The following ZSCAN5A variants were observed in gnomAD, a reference collection of about 807,000 sequenced individuals.
ZSCAN5A encodes the protein zinc finger and SCAN domain-containing protein 5A.
Under a neutral mutation model 23.7 loss-of-function variants are expected in ZSCAN5A, and 12 were observed. That is an observed-to-expected ratio of 0.51 (90% CI 0.32 to 0.82). The LOEUF (loss-of-function observed/expected upper bound fraction) is 0.82, where lower values mean the gene tolerates loss of function less well. Ranked by LOEUF, ZSCAN5A falls within the 40% of genes least tolerant of loss-of-function variation. ZSCAN5A has a pLI of 0.03. For synonymous variants in ZSCAN5A, 257 were observed against 239.9 expected (o/e 1.07, Z -0.66); for missense variants, 597 against 617.9 (o/e 0.97, Z 0.36).
chr19:56,247,256 A>C (rs1039312871), intron 2 of ZSCAN5A: 5 of 384,262 alleles, frequency 1.3e-5, no homozygotes, highest in African/African-American at 1.0e-4. Flanking sequence ...AAACGGTTCA[A>C]CAGGATGTTC....
intron 2 of ZSCAN5A, among the ~76,000 whole-genome samples, chr19:56,270,045 G>A (rs749171021): frequency 6.6e-6 from 1 of 151,988 alleles, no homozygotes; most frequent in Non-Finnish European, 1.5e-5. Flanking sequence ...TAACTGATTG[G>A]CTGTCTGTGA....
rs761039856 is a variant in ZSCAN5A at position 56,246,451 on chromosome 19, C to A, written c.-127-21278G>T. 3 of 583,188 alleles carry A rather than the reference C, an allele frequency of 5.1e-6. No individual in the cohort carries two copies. The East Asian group carries it at 9.5e-5, about 18-fold the overall frequency. The allele number at this position is 583,188 out of a possible 1,614,324, so 36.1% of individuals were successfully genotyped here. The stretch of plus-strand genomic sequence containing the variant: ...GGGACTTACATCCCCAGAGCCTCAG[C>A]TTCCAAACGGTCCTAGTGAGTATGA... On this transcript the variant is annotated intron_variant, in intron 2 of 5. Transcript: ENST00000683990.
intron 2 of ZSCAN5A, among the ~76,000 whole-genome samples, chr19:56,301,648 C>G (rs2040239567): frequency 6.6e-6 from 1 of 152,102 alleles, no homozygotes; most frequent in African/African-American, 2.4e-5. Context: ...TTTACCCAGC[C>G]CCTATTCAAG....
chr19:56,310,228 C>A (rs2147361456), intron 2 of ZSCAN5A: 1 of 152,414 alleles, frequency 6.6e-6, no homozygotes, highest in African/African-American at 2.4e-5. Context: ...AGCTCTCTGT[C>A]CCCTGGACTG....
chr19:56,283,610 A>G (rs149935988), intron 2 of ZSCAN5A: 2 of 152,320 alleles, frequency 1.3e-5, no homozygotes, highest in East Asian at 3.9e-4. Context: ...GGATTCTTCA[A>G]TACGTAGCAA....
chr19:56,227,203 G>A (rs1321867902), intron 2 of ZSCAN5A, among the ~76,000 whole-genome samples: 5 of 152,146 alleles, frequency 3.3e-5, no homozygotes, highest in Non-Finnish European at 7.3e-5. Flanking sequence ...TAGTACATGA[G>A]GTAGGGCATA....
In ZSCAN5A at chr19:56,363,858, T is replaced by C. The variant is rs370599717; in HGVS notation, c.-521-460A>G. 7.3e-4 allele frequency among the ~76,000 whole-genome samples: 111 copies of C among 152,312 alleles called. 1 individual carries two copies. Among genetic ancestry groups the C allele is most frequent in the African/African-American group, 2.5e-3 (105 of 41,562 alleles). On this transcript the variant is annotated intron_variant, in intron 1 of 6. Transcript: ENST00000587340. ...CAAATAAATGACCTAAGGTTGGAAA[T>C]TATATTCTATTTAAAGAGGAAGCAG...
At chr19:56,237,648 G>C (rs369270118) in intron 2 of ZSCAN5A, among the ~76,000 whole-genome samples, 2 of 152,084 alleles carry the variant, frequency 1.3e-5, no homozygotes, top group African/African-American at 2.4e-5. Flanking sequence ...GCCGGGGCGC[G>C]GTGGCTCATG....
intron 2 of ZSCAN5A, among the ~76,000 whole-genome samples, chr19:56,360,368 G>A (rs948343520): frequency 6.6e-6 from 1 of 151,886 alleles, no homozygotes; most frequent in African/African-American, 2.4e-5. Flanking sequence ...AGCTAATAAG[G>A]GGAAGTGAAG....
At chr19:56,360,705 G>GT (rs963452033) in intron 2 of ZSCAN5A, among the ~76,000 whole-genome samples, 9 of 151,382 alleles carry the variant, frequency 5.9e-5, no homozygotes, top group African/African-American at 2.2e-4. Flanking sequence ...AGACTTATAT[G>GT]TAAAAAAAAA....
Position 56,221,464 on chromosome 19 carries a change from C to G in ZSCAN5A, c.*111G>C. The stretch of plus-strand genomic sequence containing the variant: ...ATCCTGGCAATTCATATCTAGGGCA[C>G]TCCCTCTGTGTGTCAGACGCCCTTG... On this transcript the variant is annotated 3_prime_UTR_variant, in exon 6 of 6. Coordinates refer to ENST00000683990, the MANE Select transcript of ZSCAN5A (RefSeq NM_001322064.3). 2 of 1,353,948 alleles carry G rather than the reference C, an allele frequency of 1.5e-6. No homozygotes were observed. The highest frequency in any genetic ancestry group is 2.9e-5 in the African/African-American group (2 of 68,696). 83.9% of individuals were successfully genotyped at this position (1,353,948 alleles called of 1,614,324 possible).
chr19:56,354,326 G>A (rs1320360296), intron 2 of ZSCAN5A, among the ~76,000 whole-genome samples: 1 of 146,864 alleles, frequency 6.8e-6, no homozygotes, highest in Non-Finnish European at 1.5e-5. Context: ...TTAAAAGTTG[G>A]TTTTTTAAAA....
rs183313524 is a variant in ZSCAN5A at position 56,323,421 on chromosome 19, G to T, written c.-357-7153C>A. Reference sequence around the variant, plus strand: ...ACTCCTGGACTCAAGTGATCCTTCTGCCTTGGCCTGCCAAAGTGCTGGGAT... The same window carrying T: ...ACTCCTGGACTCAAGTGATCCTTCTTCCTTGGCCTGCCAAAGTGCTGGGAT... On this transcript the variant is annotated intron_variant, in intron 2 of 6. Coordinates refer to the ZSCAN5A transcript ENST00000587340. Among the ~76,000 whole-genome samples, 15 of 152,088 alleles carry T rather than the reference G, an allele frequency of 9.9e-5. No individual in the cohort carries two copies. In the East Asian group the frequency reaches 1.5e-3, roughly 16 times the overall value.
At chr19:56,341,910 A>C (rs2041596008) in intron 2 of ZSCAN5A, among the ~76,000 whole-genome samples, 1 of 152,118 alleles carries the variant, frequency 6.6e-6, no homozygotes, top group Non-Finnish European at 1.5e-5. Flanking sequence ...AAAAAGGGAG[A>C]GAAAACCAAA....
intron 2 of ZSCAN5A, among the ~76,000 whole-genome samples, chr19:56,341,913 A>AAAC (rs2041596075): frequency 6.6e-6 from 1 of 152,118 alleles, no homozygotes; most frequent in Admixed American, 6.5e-5. Context: ...AAGGGAGAGA[A>AAAC]AACCAAAACC....
chr19:56,267,977 G>A (rs879853488), intron 2 of ZSCAN5A, among the ~76,000 whole-genome samples: 12 of 152,104 alleles, frequency 7.9e-5, no homozygotes, highest in African/African-American at 2.2e-4. Context: ...GTTTGATCCC[G>A]CACCTCTATG....
chr19:56,321,013 C>T (rs565825305), intron 2 of ZSCAN5A: 2 of 703,650 alleles, frequency 2.8e-6, no homozygotes, highest in East Asian at 5.3e-5. Flanking sequence ...CCACTTTCCA[C>T]CTGCTGTAGT....
chr19:56,326,057 T>C (rs1425955524), intron 2 of ZSCAN5A, among the ~76,000 whole-genome samples: 4 of 151,544 alleles, frequency 2.6e-5, no homozygotes, highest in African/African-American at 4.9e-5. Flanking sequence ...CTCAGCCTCC[T>C]GAGTAGCTGG....
chr19:56,301,483 C>T (rs2040227837), intron 2 of ZSCAN5A, among the ~76,000 whole-genome samples: 1 of 152,152 alleles, frequency 6.6e-6, no homozygotes, highest in Non-Finnish European at 1.5e-5. Context: ...GAATCGCTAT[C>T]TTGGTTTCGG....
Sources: allele counts gnomAD v4.1 joint callset (sites outside exome capture counted in the v4.1 genomes callset), GRCh38; gene constraint gnomAD v4.1.1; transcripts MANE v1.5; gene names NCBI Gene and HGNC (gene_info 2026-07-23, HGNC 2026-07-21).